The following ABLIM1 variants were observed in gnomAD, a reference collection of about 807,000 sequenced individuals.
The protein encoded by ABLIM1 is actin-binding LIM protein 1.
In ABLIM1, 40 loss-of-function variants were observed where a neutral mutation model predicts 107.0. The ratio of observed to expected loss-of-function variants is 0.37; its 90% CI spans 0.29 to 0.49. The LOEUF is 0.49. ABLIM1 is among the 20% of genes least tolerant of loss of function. ABLIM1 has a pLI of 0.97. For missense variants in ABLIM1, 857 were observed against 1,008.5 expected, an observed-to-expected ratio of 0.85 and a Z score of 2.04; for synonymous variants, 357 against 357.3, an observed-to-expected ratio of 1.00 and a Z score of 0.01.
chr10:114,654,445 C>T (rs1388695195), intron 1 of ABLIM1, among the ~76,000 whole-genome samples: 4 of 152,054 alleles, frequency 2.6e-5, no homozygotes, highest in South Asian at 2.1e-4. Flanking sequence ...TTGATATGCA[C>T]GTTCTCATTC....
At chr10:114,539,290 G>C (rs574831997) in intron 6 of ABLIM1, among the ~76,000 whole-genome samples, 1 of 150,070 alleles carries the variant, frequency 6.7e-6, no homozygotes, top group Admixed American at 6.6e-5. Flanking sequence ...CCCAGGAGGT[G>C]GGGGGTGCAG....
intron 15 of ABLIM1, among the ~76,000 whole-genome samples, chr10:114,447,558 G>T (rs539281510): frequency 1.3e-5 from 2 of 152,288 alleles, no homozygotes; most frequent in South Asian, 4.1e-4. Flanking sequence ...TTGCCATAAG[G>T]CTTTCACTCA....
At chr10:114,530,033 A>C (rs1465474683) in intron 6 of ABLIM1, among the ~76,000 whole-genome samples, 2 of 152,254 alleles carry the variant, frequency 1.3e-5, no homozygotes, top group Non-Finnish European at 2.9e-5. Flanking sequence ...ATCTCAAAAA[A>C]TAATATTTTT....
upstream of ABLIM1, among the ~76,000 whole-genome samples, chr10:114,686,199 G>A (rs1226034135): frequency 6.6e-6 from 1 of 152,056 alleles, no homozygotes; most frequent in Non-Finnish European, 1.5e-5. Context: ...CCACAATTTG[G>A]TTGATGATTT....
At chr10:114,476,646 AAAT>A (rs141618382) in intron 8 of ABLIM1, among the ~76,000 whole-genome samples, 72,794 of 143,076 alleles carry the variant, frequency 0.51, 19,296 homozygotes, top group East Asian at 0.87. Flanking sequence ...CTCTGCCTCA[AAAT>A]AATAATAATA....
chr10:114,788,526 G>C, the ABLIM1 span, among the ~76,000 whole-genome samples: 4 of 151,706 alleles, frequency 2.6e-5, no homozygotes, highest in East Asian at 7.8e-4. Flanking sequence ...TCAGGAGTTT[G>C]AGACCAGCCT....
chr10:114,751,387 CAA>C, intron 1 of ABLIM1, among the ~76,000 whole-genome samples: 1 of 152,170 alleles, frequency 6.6e-6, no homozygotes, highest in African/African-American at 2.4e-5. Context: ...TAAATTCATT[CAA>C]TAAACTTAAT....
intron 1 of ABLIM1, among the ~76,000 whole-genome samples, chr10:114,627,265 G>A (rs936233759): frequency 6.6e-6 from 1 of 151,926 alleles, no homozygotes; most frequent in African/African-American, 2.4e-5. Flanking sequence ...TTTATTATAT[G>A]TCCACATATC....
In ABLIM1 at chr10:114,523,405, C is replaced by A. The variant is rs553594005; in HGVS notation, c.894+21600G>T. 6.6e-5 allele frequency among the ~76,000 whole-genome samples: 10 copies of A among 152,200 alleles called. No individual in the cohort carries two copies. The South Asian group carries it at 2.1e-3, about 32-fold the overall frequency. On this transcript the variant is annotated intron_variant, in intron 6 of 22. Coordinates refer to ENST00000533213, the MANE Select transcript of ABLIM1 (RefSeq NM_002313.7). ...CACAGGACACATAGATCAACAAGGG[C>A]CGTTTTTTCACCTCTGATCATAAGC...
At chr10:114,575,334 G>A in intron 3 of ABLIM1, 82 bp downstream of exon 3, 4 of 1,486,048 alleles carry the variant, frequency 2.7e-6, no homozygotes, top group Non-Finnish European at 3.7e-6. Context: ...GACAAAAGGT[G>A]TATAATCCAA....
chr10:114,533,662 T>TTTG (rs370483323), intron 6 of ABLIM1, among the ~76,000 whole-genome samples: 16 of 151,928 alleles, frequency 1.1e-4, no homozygotes, highest in South Asian at 2.1e-4. Flanking sequence ...TTATCGTGTT[T>TTTG]TTGTTGTTGT....
chr10:114,797,218 T>C, the ABLIM1 span, among the ~76,000 whole-genome samples: 2 of 152,214 alleles, frequency 1.3e-5, no homozygotes, highest in African/African-American at 2.4e-5. Context: ...CATTTCCACT[T>C]CATATTAGAT....
intron 1 of ABLIM1, among the ~76,000 whole-genome samples, chr10:114,628,345 G>A (rs1244915254): frequency 6.6e-6 from 1 of 152,254 alleles, no homozygotes; most frequent in Admixed American, 6.5e-5. Context: ...CTGCTGGTAT[G>A]TAGAGGTCAG....
intron 9 of ABLIM1, among the ~76,000 whole-genome samples, chr10:114,473,671 G>A (rs201500254): frequency 1.1e-4 from 17 of 152,096 alleles, no homozygotes; most frequent in South Asian, 6.2e-4. Flanking sequence ...TTTACAGGTC[G>A]TCTGATCACT....
chr10:114,521,059 CATGTTT>C (rs1258354958), intron 6 of ABLIM1, among the ~76,000 whole-genome samples: 1 of 152,114 alleles, frequency 6.6e-6, no homozygotes, highest in East Asian at 1.9e-4. Context: ...CTGATAGGCT[CATGTTT>C]ATGTTTATAA....
chr10:114,484,149 G>A (rs947012936), intron 8 of ABLIM1, among the ~76,000 whole-genome samples: 17 of 152,160 alleles, frequency 1.1e-4, no homozygotes, highest in Admixed American at 2.0e-4. Context: ...ATGAATATGA[G>A]TGAAGGGCTC....
chr10:114,569,306 C>CTCTTTT (rs1237915097), intron 4 of ABLIM1, among the ~76,000 whole-genome samples: 1 of 151,830 alleles, frequency 6.6e-6, no homozygotes, highest in Non-Finnish European at 1.5e-5. Flanking sequence ...TCATAAAAGC[C>CTCTTTT]TCTTTTTCTT....
In ABLIM1 at chr10:114,658,129, A is replaced by C. The variant is rs1414473714; in HGVS notation, c.72T>G (p.Ser24=). The C allele has an allele frequency of 6.2e-6, 10 of 1,614,028 alleles. No homozygotes were observed. Among genetic ancestry groups the C allele is most frequent in the African/African-American group, 1.3e-5 (1 of 74,942 alleles). ...TCGAGCCCCTGGCACTGGTTCTCTC[A>C]GATGAGGTGACTTTGCTTTTCTCAG... ...CSSEKSKVTS[S]ERTSARGSNR... The change falls in exon 1 of 23, where the codon TCT becomes TCG. Residue 24 remains serine (S), a synonymous_variant. Coordinates refer to ENST00000533213, the MANE Select transcript of ABLIM1 (RefSeq NM_002313.7).
chr10:114,776,411 G>C, the ABLIM1 span, among the ~76,000 whole-genome samples: 1 of 151,854 alleles, frequency 6.6e-6, no homozygotes, highest in African/African-American at 2.4e-5. Context: ...TCAGGGGTTT[G>C]AGACCAGCCT....
Sources: gnomAD v4.1 joint callset for allele counts (sites outside exome capture counted in the v4.1 genomes callset) on GRCh38, gnomAD v4.1.1 for gene constraint, MANE v1.5 for transcripts, NCBI Gene and HGNC (gene_info 2026-07-23, HGNC 2026-07-21) for gene names.